The following AHCTF1 variants were observed in gnomAD, a reference collection of about 807,000 sequenced individuals.
AHCTF1 encodes the protein protein ELYS.
AHCTF1 carries 24 observed loss-of-function variants against 248.4 expected under a neutral mutation model. The observed-to-expected ratio is 0.10, with a 90% confidence interval of 0.07 to 0.14. AHCTF1 has a LOEUF of 0.14. AHCTF1 is among the 10% of genes least tolerant of loss of function. The probability of loss-of-function intolerance (pLI) is 1.00; values close to 1 mark genes in which losing one functional copy is unlikely to be tolerated. For missense variants in AHCTF1, 2,206 were observed against 2,636.2 expected, an observed-to-expected ratio of 0.84 and a Z score of 3.57; for synonymous variants, 786 against 929.8, an observed-to-expected ratio of 0.85 and a Z score of 2.81.
intron 8 of AHCTF1, among the ~76,000 whole-genome samples, chr1:246,901,661 T>C (rs1004264891): frequency 2.4e-4 from 36 of 150,610 alleles, no homozygotes; most frequent in African/African-American, 8.8e-4. Flanking sequence ...CTACAAAAAA[T>C]ACAAAAATTA....
rs1373879770 is a variant in AHCTF1, at chr1:246,851,462, G to A, written c.4564-20C>T. On this transcript the variant is annotated intron_variant, in intron 32 of 35. Coordinates refer to ENST00000648844, the MANE Select transcript of AHCTF1 (RefSeq NM_001323342.2). ...AATCACCTAAATGAATTAAAGATAA[G>A]AGACTGGTTAAAGAATTTTAATACA... The A allele has an allele frequency of 4.5e-6, 7 of 1,572,456 alleles. No individual in the cohort carries two copies. The highest frequency in any genetic ancestry group is 1.2e-5 in the South Asian group (1 of 84,688).
chr1:246,850,018 G>T lies in AHCTF1; in HGVS notation c.5988C>A (p.Ser1996Arg), dbSNP rs1389112796. The T allele has an allele frequency of 6.2e-7, 1 of 1,613,620 alleles. No individual in the cohort carries two copies. The highest frequency in any genetic ancestry group is 1.7e-4 in the Middle Eastern group (1 of 6,056). The change falls in exon 33 of 36, where the codon AGC becomes AGA. Residue 1996 changes from serine to arginine, a missense_variant. Physicochemically the swap from Ser to Arg is moderately radical, Grantham distance 110. Around this residue, in one of 6 missense-constraint regions of AHCTF1, gnomAD observed 469 missense variants for 470.0 expected, o/e 1.00. Coordinates refer to ENST00000648844, the MANE Select transcript of AHCTF1 (RefSeq NM_001323342.2). ...TGCTGGGAGCTTCTTTCTTCTTGGG[G>T]CTTCTCTCTTCCTTAACAGCCTTAG... ...VGSKAVKEER[S>R]PKKKEAPSIR...
rs147140439 is a variant in AHCTF1, at chr1:246,843,876, A to T, written c.6444T>A (p.Ser2148=). The T allele has an allele frequency of 3.8e-3, 5,739 of 1,506,922 alleles. 16 individuals carry two copies. The highest frequency in any genetic ancestry group is 4.1e-3 in the Non-Finnish European group (4,586 of 1,129,246). 93.3% of individuals were successfully genotyped at this position (1,506,922 alleles called of 1,614,324 possible). A position where few individuals can be genotyped will look rare whatever the true frequency, so the allele number is the denominator to read the frequency against. ...AQLKELVSDL[S]SQFVISPPAL... is the part of the protein sequence containing the mutation. ...CAGGAGGTGAGATGACAAACTGAGA[A>T]GATAAATCCGAAACTAATTCTTTCA... Residue 2148 remains serine, a synonymous_variant, in exon 34 of 36, where the codon TCT becomes TCA. Coordinates refer to ENST00000648844, the MANE Select transcript of AHCTF1 (RefSeq NM_001323342.2).
intron 21 of AHCTF1, among the ~76,000 whole-genome samples, chr1:246,877,748 T>C (rs770537249): frequency 2.0e-5 from 3 of 152,068 alleles, no homozygotes; most frequent in Non-Finnish European, 4.4e-5. Context: ...TGTTTTTTGG[T>C]TGATTTGCAG....
rs764438231 is a variant in AHCTF1 at position 246,891,771 on chromosome 1, G to A, written c.1945+8C>T. 7 of 1,606,472 alleles carry A rather than the reference G, an allele frequency of 4.4e-6. No individual in the cohort carries two copies. Among genetic ancestry groups the A allele is most frequent in the East Asian group, 4.5e-5 (2 of 44,620 alleles). On this transcript the variant is annotated splice_region_variant and intron_variant, in intron 15 of 35. Transcript: ENST00000648844. Reference sequence around the variant, plus strand: ...TAAAACACTCATTTGATAAAACAAAGAGCGTACCTCTCTCAGTGATCTCTC... The same window carrying A: ...TAAAACACTCATTTGATAAAACAAAAAGCGTACCTCTCTCAGTGATCTCTC...
At chr1:246,898,500 C>T (rs1664761067) in intron 11 of AHCTF1, among the ~76,000 whole-genome samples, 164 bp from the exon 12 acceptor site, 1 of 152,104 alleles carries the variant, frequency 6.6e-6, no homozygotes. Context: ...GGTTCTTAAG[C>T]TTAACCAATG....
intron 14 of AHCTF1, among the ~76,000 whole-genome samples, chr1:246,893,780 T>C (rs1664378632): frequency 6.6e-6 from 1 of 152,246 alleles, no homozygotes; most frequent in Non-Finnish European, 1.5e-5. Flanking sequence ...ACATTCCGCT[T>C]ACTCCATCAT....
intron 21 of AHCTF1, among the ~76,000 whole-genome samples, chr1:246,884,290 G>A (rs962461213): frequency 6.6e-6 from 1 of 151,932 alleles, no homozygotes; most frequent in Non-Finnish European, 1.5e-5. Flanking sequence ...ATTCATTACT[G>A]TTAAGGTTCT....
chr1:246,843,588 G>A (rs1326972613), intron 34 of AHCTF1, among the ~76,000 whole-genome samples: 2 of 152,106 alleles, frequency 1.3e-5, no homozygotes, highest in African/African-American at 2.4e-5. Context: ...TACCACAGAT[G>A]TGTCTTAAAG....
At chr1:246,898,429 T>C in intron 11 of AHCTF1, 93 bp from the exon 12 acceptor site, 1 of 1,318,312 alleles carries the variant, frequency 7.6e-7, no homozygotes, top group Non-Finnish European at 1.0e-6. Context: ...TTAAGTAAAA[T>C]TTAAAGATAG....
chr1:246,902,502 A>G (rs774147102), intron 8 of AHCTF1, 23 bp downstream of exon 8: 7 of 1,593,802 alleles, frequency 4.4e-6, no homozygotes, highest in South Asian at 1.1e-5. Context: ...TTCACATGAC[A>G]TATTTCAAGT....
chr1:246,900,484 T>A lies in AHCTF1; in HGVS notation c.1118-15A>T. The A allele has an allele frequency of 6.3e-7, 1 of 1,580,568 alleles. No homozygotes were observed. Among genetic ancestry groups the A allele is most frequent in the Non-Finnish European group, 8.5e-7 (1 of 1,172,576 alleles). On this transcript the variant is annotated splice_polypyrimidine_tract_variant and intron_variant, in intron 8 of 35. Transcript: ENST00000648844. Reference sequence around the variant, plus strand: ...AGGCGATAGAGCTGGAAGAAAAAGATAATTTTTAAAAACAGAATAAAGAAT... The same window carrying A: ...AGGCGATAGAGCTGGAAGAAAAAGAAAATTTTTAAAAACAGAATAAAGAAT...
Position 246,916,359 on chromosome 1 carries a change from T to C in AHCTF1, c.158A>G (p.Gln53Arg). Residue 53 changes from glutamine (Q) to arginine (R), a missense_variant, in exon 3 of 36, where the codon CAA (glutamine) becomes CGA (arginine). By Grantham distance (43) the Gln-to-Arg change is conservative. Around this residue, in one of 6 missense-constraint regions of AHCTF1, gnomAD observed 69 missense variants for 85.4 expected, o/e 0.81. Coordinates refer to ENST00000648844, the MANE Select transcript of AHCTF1 (RefSeq NM_001323342.2). ...NGLACLACGP[Q>R]LEVVNSITGE... ...TGTTATAGAGTTTACTACCTCAAGT[T>C]GTGGACCACAAGCCAAGCAAGCAAG... 6.2e-7 allele frequency: 1 copy of C among 1,601,866 alleles called. No homozygotes were observed. Among genetic ancestry groups the C allele is most frequent in the Non-Finnish European group, 8.5e-7 (1 of 1,176,468 alleles).
At chr1:246,890,807 G>A (rs1271854638) in intron 16 of AHCTF1, 149 bp downstream of exon 16, 13 of 484,896 alleles carry the variant, frequency 2.7e-5, no homozygotes, top group Non-Finnish European at 4.6e-5. Flanking sequence ...AAGGAAAAAT[G>A]TAAGAAAAGA....
intron 21 of AHCTF1, among the ~76,000 whole-genome samples, chr1:246,879,981 G>A (rs1663272282): frequency 6.6e-6 from 1 of 152,066 alleles, no homozygotes; most frequent in South Asian, 2.1e-4. Flanking sequence ...ACTGCAGAAG[G>A]GTGTACAGTT....
chr1:246,868,997 A>G lies in AHCTF1; in HGVS notation c.3089-1186T>C, dbSNP rs534538497. ...GTAGCTGGGACTACAGGCGCCCGCC[A>G]CCATGCCTGGCTAACTTTTTCTATT... is the stretch of plus-strand genomic sequence containing the variant. On this transcript the variant is annotated intron_variant, in intron 24 of 35. Transcript: ENST00000648844. Among the ~76,000 whole-genome samples the G allele has an allele frequency of 4.4e-3, 659 of 151,110 alleles. 10 individuals are homozygous for G. Among genetic ancestry groups the G allele is most frequent in the African/African-American group, 0.012 (504 of 40,932 alleles).
chr1:246,861,005 G>A lies in AHCTF1; in HGVS notation c.4026C>T (p.Ser1342=), dbSNP rs753197946. ...CATTAGTAGTTAGTGCAGTGGAAGAGCTTTTGGGCTTAGAGGCCGTGAAAA... is the reference window on the plus strand; with the variant it reads ...CATTAGTAGTTAGTGCAGTGGAAGAACTTTTGGGCTTAGAGGCCGTGAAAA... ...ETVFTASKPK[S]SSTALTTNVT... The change falls in exon 29 of 36, where the codon AGC becomes AGT. Residue 1342 remains serine (S), a synonymous_variant. Coordinates refer to ENST00000648844, the MANE Select transcript of AHCTF1 (RefSeq NM_001323342.2). 1.4e-5 allele frequency: 22 copies of A among 1,613,944 alleles called. No individual in the cohort carries two copies. The South Asian group carries it at 2.3e-4, about 17-fold the overall frequency.
At chr1:246,881,856 A>AC (rs1250488881) in intron 21 of AHCTF1, among the ~76,000 whole-genome samples, 3 of 150,884 alleles carry the variant, frequency 2.0e-5, no homozygotes, top group Non-Finnish European at 4.4e-5. Flanking sequence ...AAACCAAAAA[A>AC]AAAAACAAAA....
In AHCTF1 at chr1:246,864,659, C is replaced by T. The variant is rs1396227520; in HGVS notation, c.3348-543G>A. Among the ~76,000 whole-genome samples, 2 of 22,564 alleles carry T rather than the reference C, an allele frequency of 8.9e-5. 1 individual carries two copies. The highest frequency in any genetic ancestry group is 1.3e-4 in the Non-Finnish European group (2 of 15,782). 14.8% of individuals were successfully genotyped at this position (22,564 alleles called of 152,430 possible). ...GACCATCCTGGCTAACAAGGTGAAA[C>T]CCCGTCTCTACTAAAAATACAAAAA... is the stretch of plus-strand genomic sequence containing the variant. On this transcript the variant is annotated intron_variant, in intron 26 of 35. Transcript: ENST00000648844.
Sources: allele counts gnomAD v4.1 joint callset (sites outside exome capture counted in the v4.1 genomes callset), GRCh38; gene constraint gnomAD v4.1.1; regional missense constraint gnomAD v4.1.1; transcripts MANE v1.5; gene names NCBI Gene and HGNC (gene_info 2026-07-23, HGNC 2026-07-21).